The following PPP1R13B variants were observed in gnomAD, a reference collection of about 807,000 sequenced individuals.
PPP1R13B encodes apoptosis-stimulating of p53 protein 1.
PPP1R13B carries 44 observed loss-of-function variants against 119.8 expected under a neutral mutation model. The ratio of observed to expected loss-of-function variants is 0.37; its 90% CI spans 0.29 to 0.47. PPP1R13B has a LOEUF of 0.47. Ranked by LOEUF, PPP1R13B falls within the 20% of genes least tolerant of loss-of-function variation. The pLI is 0.99. For synonymous variants in PPP1R13B, 542 were observed against 561.5 expected, an observed-to-expected ratio of 0.97 and a Z score of 0.49; for missense variants, 1,227 against 1,413.5, an observed-to-expected ratio of 0.87 and a Z score of 2.12.
Position 103,754,062 on chromosome 14 carries a change from G to A in PPP1R13B, c.631+8C>T. 2.5e-6 allele frequency: 4 copies of A among 1,611,878 alleles called. No individual in the cohort carries two copies. Among genetic ancestry groups the A allele is most frequent in the Non-Finnish European group, 3.4e-6 (4 of 1,178,602 alleles). On this transcript the variant is annotated splice_region_variant and intron_variant, in intron 6 of 16. Transcript: ENST00000202556. ...GAGTGGTGTCGAGGGGGTGTTGCAG[G>A]CACGTACACAGATTGCCGTTCATGA...
chr14:103,808,389 G>A (rs1164931926), intron 1 of PPP1R13B, among the ~76,000 whole-genome samples: 1 of 152,144 alleles, frequency 6.6e-6, no homozygotes. Context: ...GGGCCACACT[G>A]GAGAATTGTC....
At chr14:103,807,527 C>A (rs1374086622) in intron 1 of PPP1R13B, among the ~76,000 whole-genome samples, 1 of 152,128 alleles carries the variant, frequency 6.6e-6, no homozygotes, top group South Asian at 2.1e-4. Flanking sequence ...CAGAGTATCA[C>A]GCTGTTGCCC....
intron 1 of PPP1R13B, among the ~76,000 whole-genome samples, chr14:103,840,705 T>G (rs1176545945): frequency 6.6e-6 from 1 of 151,526 alleles, no homozygotes; most frequent in Non-Finnish European, 1.5e-5. Context: ...GCAGGAAAAT[T>G]GCTTGAACCT....
At chr14:103,748,646 A>G (rs1020761689) in intron 8 of PPP1R13B, among the ~76,000 whole-genome samples, 1 of 152,242 alleles carries the variant, frequency 6.6e-6, no homozygotes, top group Non-Finnish European at 1.5e-5. Flanking sequence ...TGAGTGCCAC[A>G]GGTGCGAGAA....
chr14:103,744,578 C>T (rs1421982192), intron 9 of PPP1R13B, among the ~76,000 whole-genome samples: 5 of 152,194 alleles, frequency 3.3e-5, no homozygotes, highest in Non-Finnish European at 7.3e-5. Flanking sequence ...TTAAAGAGGA[C>T]GCAGCTTCCC....
chr14:103,846,952 G>C, intron 1 of PPP1R13B: 2 of 1,207,164 alleles, frequency 1.7e-6, no homozygotes, highest in Non-Finnish European at 2.1e-6. Flanking sequence ...GTTCGTTTCA[G>C]GCGGGTCACA....
rs1481282880 is a variant in PPP1R13B, at chr14:103,753,162, C to G, written c.666G>C (p.Gln222His). ...AEIERFSAMF[Q>H]EKKQEVQTAI... ...CAGTCTGTACTTCCTGCTTCTTTTC[C>G]TGGAACATGGCACTGAACCTTTCTA... The change falls in exon 7 of 17, where the codon CAG (glutamine) becomes CAC (histidine). Residue 222 changes from glutamine to histidine, a missense_variant. Coordinates refer to ENST00000202556, the MANE Select transcript of PPP1R13B (RefSeq NM_015316.3). The G allele has an allele frequency of 6.2e-7, 1 of 1,613,028 alleles. No individual in the cohort carries two copies. The highest frequency in any genetic ancestry group is 8.5e-7 in the Non-Finnish European group (1 of 1,180,012).
chr14:103,752,628 G>A (rs538824376), intron 7 of PPP1R13B, among the ~76,000 whole-genome samples: 84 of 146,158 alleles, frequency 5.7e-4, no homozygotes, highest in African/African-American at 2.0e-3. Flanking sequence ...TCTGCCTCCC[G>A]GGTTCAAGTG....
chr14:103,749,861 A>C lies in PPP1R13B; in HGVS notation c.902T>G (p.Met301Arg). 1 of 1,614,170 alleles carries C rather than the reference A, an allele frequency of 6.2e-7. No homozygotes were observed. The highest frequency in any genetic ancestry group is 8.5e-7 in the Non-Finnish European group (1 of 1,180,020). ...QQKELLNKRN[M>R]EVAMMDKRIS... The stretch of plus-strand genomic sequence containing the variant: ...TCGCTTGTCCATCATGGCCACCTCC[A>C]TGTTGCGCTTATTTAAGAGTTCCTT... Residue 301 changes from methionine (M) to arginine (R), a missense_variant, in exon 8 of 17, where the codon ATG becomes AGG. Met to Arg is a moderately conservative substitution (Grantham distance 91). Transcript: ENST00000202556.
intron 4 of PPP1R13B, among the ~76,000 whole-genome samples, chr14:103,777,149 C>T (rs574192820): frequency 1.4e-3 from 207 of 151,890 alleles, no homozygotes; most frequent in African/African-American, 2.9e-3. Context: ...CATGCCACCA[C>T]GACCAGCTAA....
chr14:103,834,722 C>G (rs549673962), intron 1 of PPP1R13B, among the ~76,000 whole-genome samples: 2 of 150,596 alleles, frequency 1.3e-5, no homozygotes, highest in Admixed American at 1.3e-4. Context: ...TCCTGAGTAA[C>G]TGGGATTACA....
At chr14:103,765,177 T>C (rs1371878554) in intron 4 of PPP1R13B, among the ~76,000 whole-genome samples, 1 of 152,228 alleles carries the variant, frequency 6.6e-6, no homozygotes, top group African/African-American at 2.4e-5. Context: ...TTTGTCACAT[T>C]TTGTTCGTGA....
At chr14:103,766,244 A>G (rs1386340916) in intron 4 of PPP1R13B, among the ~76,000 whole-genome samples, 2 of 152,016 alleles carry the variant, frequency 1.3e-5, no homozygotes, top group Admixed American at 6.6e-5. Context: ...TCCTGACCTC[A>G]TGATCCACCC....
In PPP1R13B at chr14:103,800,934, T is replaced by G. The variant is rs567028320; in HGVS notation, c.10-3416A>C. Among the ~76,000 whole-genome samples, 24 of 152,128 alleles carry G rather than the reference T, an allele frequency of 1.6e-4. 1 individual carries two copies. The highest frequency in any genetic ancestry group is 5.8e-4 in the African/African-American group (24 of 41,514). Reference sequence around the variant, plus strand: ...GGCATGAACTCGGCTCACTGCAACCTCCGCCTCCTGGGTTCAAGCGATTCT... The same window carrying G: ...GGCATGAACTCGGCTCACTGCAACCGCCGCCTCCTGGGTTCAAGCGATTCT... On this transcript the variant is annotated intron_variant, in intron 1 of 16. Coordinates refer to ENST00000202556, the MANE Select transcript of PPP1R13B (RefSeq NM_015316.3).
intron 11 of PPP1R13B, among the ~76,000 whole-genome samples, chr14:103,741,232 G>A (rs2084250857): frequency 6.6e-6 from 1 of 152,202 alleles, no homozygotes; most frequent in Non-Finnish European, 1.5e-5. Flanking sequence ...CGTAAGAGTC[G>A]GAAACACCAT....
In PPP1R13B at chr14:103,734,245, A is replaced by T. The variant is rs1403754814; in HGVS notation, c.*909T>A. 3.5e-6 allele frequency: 1 copy of T among 288,624 alleles called. No individual in the cohort carries two copies. Among genetic ancestry groups the T allele is most frequent in the Non-Finnish European group, 7.0e-6 (1 of 143,040 alleles). The allele number at this position is 288,624 out of a possible 1,614,324, so 17.9% of individuals were successfully genotyped here. ...CTCCTTGGTGGCGGCCCCTCCTGACACCAGGCGTCTGCCATCCTTCAGGCA... is the reference window on the plus strand; with the variant it reads ...CTCCTTGGTGGCGGCCCCTCCTGACTCCAGGCGTCTGCCATCCTTCAGGCA... On this transcript the variant is annotated 3_prime_UTR_variant, in exon 17 of 17. Coordinates refer to ENST00000202556, the MANE Select transcript of PPP1R13B (RefSeq NM_015316.3).
chr14:103,760,657 C>T (rs1457771438), intron 4 of PPP1R13B, among the ~76,000 whole-genome samples: 2 of 152,104 alleles, frequency 1.3e-5, no homozygotes, highest in African/African-American at 4.8e-5. Flanking sequence ...CCTCCAACAC[C>T]GATGTTCACT....
intron 9 of PPP1R13B, among the ~76,000 whole-genome samples, chr14:103,745,097 C>A (rs1241537823): frequency 4.6e-5 from 7 of 152,206 alleles, no homozygotes; most frequent in Non-Finnish European, 1.0e-4. Context: ...CTTAGCAGAG[C>A]AACCTGCAGT....
intron 3 of PPP1R13B, among the ~76,000 whole-genome samples, chr14:103,782,247 G>A (rs1464960237): frequency 6.6e-6 from 1 of 152,128 alleles, no homozygotes; most frequent in Admixed American, 6.6e-5. Flanking sequence ...AAAAGACTAA[G>A]TGTGCACATT....
Sources: gnomAD v4.1 joint callset for allele counts (sites outside exome capture counted in the v4.1 genomes callset) on GRCh38, gnomAD v4.1.1 for gene constraint, MANE v1.5 for transcripts, NCBI Gene and HGNC (gene_info 2026-07-23, HGNC 2026-07-21) for gene names.